Variants in PODN observed in about 807,000 individuals in gnomAD.
The protein encoded by PODN is podocan.
PODN carries 40 observed loss-of-function variants against 52.7 expected under a neutral mutation model. The ratio of observed to expected loss-of-function variants is 0.76; its 90% confidence interval spans 0.59 to 0.99. PODN has a LOEUF of 0.99. Among genes scored for constraint, PODN ranks in the 50% least tolerant of loss-of-function variants. The probability of loss-of-function intolerance (pLI) is 0.00; values close to 1 mark genes in which losing one functional copy is unlikely to be tolerated. For synonymous variants in PODN, 396 were observed against 377.9 expected (o/e 1.05, Z -0.56); for missense variants, 720 against 815.1 (o/e 0.88, Z 1.42).
At position 53,079,012 on chromosome 1, in the gene PODN, C is replaced by A; in HGVS notation, c.1502C>A (p.Ala501Asp). The A allele has an allele frequency of 6.5e-7, 1 of 1,550,300 alleles. No individual in the cohort carries two copies. The highest frequency in any genetic ancestry group is 8.7e-7 in the Non-Finnish European group (1 of 1,146,766). Residue 501 changes from alanine (A) to aspartate (D), a missense_variant, in exon 8 of 11, where the codon GCC becomes GAC. Transcript: ENST00000312553. Reference protein sequence around the residue: ...ALGPRAWVDLAHLQLLDIAGN... With the variant: ...ALGPRAWVDLDHLQLLDIAGN... ...GGCCCCCGTGCCTGGGTGGACCTCG[C>A]CCATCTGCAGGTAAGCGGAAGGGAG...
chr1:53,076,112 C>G (rs137959833), intron 5 of PODN, 141 bp downstream of exon 5: 397 of 711,604 alleles, frequency 5.6e-4, no homozygotes, highest in Non-Finnish European at 8.6e-4. Context: ...CCCAGGGGCC[C>G]TAACAGAGGA....
Position 53,075,902 on chromosome 1 carries a change from G to A in PODN, c.512G>A (p.Ser171Asn), listed in dbSNP as rs746175772. 1.2e-6 allele frequency: 2 copies of A among 1,606,708 alleles called. No individual in the cohort carries two copies. The highest frequency in any genetic ancestry group is 1.7e-6 in the Non-Finnish European group (2 of 1,175,966). Residue 171 changes from serine (S) to asparagine (N), a missense_variant, in exon 5 of 11, where the codon AGT (serine) becomes AAT (asparagine). By Grantham distance (46) the Ser-to-Asn change is conservative. Transcript: ENST00000312553. ...APRFLPNALI[S>N]VDFAANYLTK... ...CGCTTCCTGCCAAACGCCCTGATCA[G>A]TGTGGACTTTGCTGCCAACTATCTC... is the stretch of plus-strand genomic sequence containing the variant.
intron 1 of PODN, among the ~76,000 whole-genome samples, chr1:53,069,009 G>A (rs757113505): frequency 1.3e-5 from 2 of 152,152 alleles, no homozygotes; most frequent in Non-Finnish European, 1.5e-5. Flanking sequence ...AGCTGTAGTC[G>A]CTGATCCTTT....
intron 9 of PODN, among the ~76,000 whole-genome samples, chr1:53,081,123 A>G (rs1419042986): frequency 4.6e-5 from 7 of 152,252 alleles, no homozygotes; most frequent in Non-Finnish European, 8.8e-5. Context: ...AGGATGCTGG[A>G]CAGCATCTTC....
rs369047168 is a variant in PODN at position 53,071,574 on chromosome 1, C to A, written c.352C>A (p.Arg118=). The A allele has an allele frequency of 6.2e-7, 1 of 1,614,008 alleles. No individual in the cohort carries two copies. Residue 118 remains arginine, a synonymous_variant, in exon 3 of 11, where the codon CGG becomes AGG. Transcript: ENST00000312553. ...AAAGATCTACCCTGAGGAGCTCTCC[C>A]GGCTGCACCGGCTGGAGACGCTGAA... ...LEKIYPEELS[R]LHRLETLNLQ...
chr1:53,074,316 G>A lies in PODN; in HGVS notation c.407-290G>A, dbSNP rs143352461. Among the ~76,000 whole-genome samples, 180 of 152,350 alleles carry A rather than the reference G, an allele frequency of 1.2e-3. 1 individual carries two copies. The highest frequency in any genetic ancestry group is 4.3e-3 in the African/African-American group (177 of 41,590). ...GAGGACTTCTTTCTGGCAGGACAGG[G>A]TCAGGCTGGATGCTCTGCTGCTGGC... is the stretch of plus-strand genomic sequence containing the variant. On this transcript the variant is annotated intron_variant, in intron 3 of 10. Coordinates refer to ENST00000312553, the MANE Select transcript of PODN (RefSeq NM_153703.5).
At chr1:53,064,003 C>T (rs1572253449) in intron 1 of PODN, among the ~76,000 whole-genome samples, 1 of 152,286 alleles carries the variant, frequency 6.6e-6, no homozygotes, top group Non-Finnish European at 1.5e-5. Context: ...CTGTTTCTCC[C>T]ACTCCGTCCA....
At chr1:53,068,556 C>A (rs975154315) in intron 1 of PODN, among the ~76,000 whole-genome samples, 1 of 152,202 alleles carries the variant, frequency 6.6e-6, no homozygotes, top group Non-Finnish European at 1.5e-5. Context: ...ACCTCATCAC[C>A]TAAAAGCCAG....
intron 3 of PODN, chr1:53,073,187 C>T (rs1644144869): frequency 1.8e-5 from 4 of 221,790 alleles, no homozygotes; most frequent in Admixed American, 1.6e-4. Flanking sequence ...ATAACAAAGC[C>T]TTGAACTGCC....
rs1032173104 is a variant in PODN at position 53,062,327 on chromosome 1, C to T, written c.-56+19C>T. 12 of 1,242,756 alleles carry T rather than the reference C, an allele frequency of 9.7e-6. No homozygotes were observed. Among genetic ancestry groups the T allele is most frequent in the African/African-American group, 6.3e-5 (4 of 63,934 alleles). 77.0% of individuals were successfully genotyped at this position (1,242,756 alleles called of 1,614,324 possible). ...GCAGCAGGTACAGGGCGCTGGCAGC[C>T]GGGGTGGGCCGAGGGGCCGGGGGCT... On this transcript the variant is annotated intron_variant, in intron 1 of 10. Coordinates refer to ENST00000312553, the MANE Select transcript of PODN (RefSeq NM_153703.5).
intron 4 of PODN, 69 bp from the exon 5 acceptor site, chr1:53,075,793 A>T: frequency 1.5e-6 from 2 of 1,325,464 alleles, no homozygotes; most frequent in Non-Finnish European, 2.1e-6. Flanking sequence ...GGTGGGCAGC[A>T]GGCAGTGGGA....
rs1769316 is a variant in PODN, at chr1:53,071,594, G to A, written c.372G>A (p.Thr124=). The part of the protein sequence containing the change: ...EELSRLHRLE[T]LNLQNNRLTS... ...TCTCCCGGCTGCACCGGCTGGAGAC[G>A]CTGAACCTGCAAAACAACCGCCTGA... The change falls in exon 3 of 11, where the codon ACG becomes ACA. Residue 124 remains threonine, a synonymous_variant. Transcript: ENST00000312553. 0.48 allele frequency: 781,378 copies of A among 1,612,980 alleles called. 193,655 individuals carry two copies. Among genetic ancestry groups the A allele is most frequent in the East Asian group, 0.74 (32,998 of 44,828 alleles).
At position 53,078,549 on chromosome 1, in the gene PODN, G is replaced by A. The variant is rs778500229; in HGVS notation, c.1039G>A (p.Glu347Lys). Residue 347 changes from glutamate to lysine, a missense_variant, in exon 8 of 11, where the codon GAG becomes AAG. By Grantham distance (56) the Glu-to-Lys change is moderately conservative (BLOSUM62 1). Coordinates refer to ENST00000312553, the MANE Select transcript of PODN (RefSeq NM_153703.5). ...GCTGCTGCACAGCAACCAGCTGCGG[G>A]AGCAGGGCATCCACCCACTGGCCTT... ...YLLLHSNQLREQGIHPLAFQG... is the reference protein window; with the variant it reads ...YLLLHSNQLRKQGIHPLAFQG... 6.8e-6 allele frequency: 11 copies of A among 1,613,150 alleles called. No homozygotes were observed. The Admixed American group carries it at 1.8e-4, about 27-fold the overall frequency.
chr1:53,079,263 G>T (rs969508927), intron 8 of PODN, among the ~76,000 whole-genome samples: 1 of 152,228 alleles, frequency 6.6e-6, no homozygotes, highest in African/African-American at 2.4e-5. Context: ...ATGCCAGGGT[G>T]AGCCCAGCCC....
rs11206087 is a variant in PODN at position 53,078,617 on chromosome 1, C to T, written c.1107C>T (p.Asn369=). 0.067 allele frequency: 108,252 copies of T among 1,612,978 alleles called. 5,915 individuals carry two copies. The highest frequency in any genetic ancestry group is 0.27 in the Admixed American group (15,917 of 60,026). ...TGCACACGGTGCACCTGTACAACAACGCGCTGGAGCGCGTGCCCAGTGGCC... is the reference window on the plus strand; with the variant it reads ...TGCACACGGTGCACCTGTACAACAATGCGCTGGAGCGCGTGCCCAGTGGCC... ...KRLHTVHLYN[N]ALERVPSGLP... The change falls in exon 8 of 11, where the codon AAC becomes AAT. Residue 369 remains asparagine (N), a synonymous_variant. Coordinates refer to ENST00000312553, the MANE Select transcript of PODN (RefSeq NM_153703.5).
At chr1:53,072,038 G>A (rs182098418) in intron 3 of PODN, among the ~76,000 whole-genome samples, 5 of 148,936 alleles carry the variant, frequency 3.4e-5, no homozygotes, top group African/African-American at 9.9e-5. Context: ...TTCCATTACA[G>A]GTCATTTGTT....
intron 4 of PODN, 27 bp downstream of exon 4, chr1:53,074,697 G>C: frequency 6.2e-6 from 10 of 1,608,154 alleles, no homozygotes; most frequent in Non-Finnish European, 8.5e-6. Flanking sequence ...AGGGTGGGGG[G>C]TTGCTGCCCT....
In PODN at chr1:53,077,225, C is replaced by G. The variant is rs754086878; in HGVS notation, c.617C>G (p.Ala206Gly). 6.2e-7 allele frequency: 1 copy of G among 1,613,424 alleles called. No homozygotes were observed. The highest frequency in any genetic ancestry group is 2.2e-5 in the East Asian group (1 of 44,874). ...CTGCACAACAACAAGCTGGCAGACG[C>G]CGGGCTGCCGGACAACATGTTCAAC... ...VYLHNNKLAD[A>G]GLPDNMFNGS... Residue 206 changes from alanine to glycine, a missense_variant, in exon 6 of 11, where the codon GCC becomes GGC. Ala to Gly is a moderately conservative substitution (Grantham distance 60). Coordinates refer to ENST00000312553, the MANE Select transcript of PODN (RefSeq NM_153703.5).
intron 9 of PODN, 116 bp from the exon 10 acceptor site, chr1:53,081,865 C>T (rs1644300290): frequency 1.4e-6 from 2 of 1,463,966 alleles, no homozygotes; most frequent in Non-Finnish European, 1.8e-6. Context: ...GCCTGCTGCA[C>T]CACTTTCCGG....
Sources: gnomAD v4.1 joint callset for allele counts (sites outside exome capture counted in the v4.1 genomes callset) on GRCh38, gnomAD v4.1.1 for gene constraint, MANE v1.5 for transcripts, NCBI Gene and HGNC (gene_info 2026-07-23, HGNC 2026-07-21) for gene names.